FAF1: variants seen among roughly 807,000 people sequenced by gnomAD.
The protein encoded by FAF1 is FAS-associated factor 1.
A neutral mutation model predicts 92.5 loss-of-function variants in FAF1; 25 were observed. The ratio of observed to expected loss-of-function variants is 0.27; its 90% CI spans 0.20 to 0.38. The LOEUF is 0.38. Ranked by LOEUF, FAF1 falls within the 10% of genes least tolerant of loss-of-function variation. The pLI, the probability that FAF1 is intolerant of heterozygous loss-of-function variation, is 1.00. For missense variants in FAF1, 636 were observed against 793.3 expected (o/e 0.80, Z 2.38); for synonymous variants, 234 against 273.2 (o/e 0.86, Z 1.42).
intron 18 of FAF1, among the ~76,000 whole-genome samples, chr1:50,471,399 A>C (rs1485868678): frequency 3.3e-5 from 5 of 152,180 alleles, no homozygotes; most frequent in African/African-American, 1.2e-4. Context: ...ATTTAAACAA[A>C]ACTTTACTGA....
At chr1:50,621,228 TACTC>T (rs1461462546) in intron 8 of FAF1, among the ~76,000 whole-genome samples, 3 of 151,906 alleles carry the variant, frequency 2.0e-5, no homozygotes, top group Admixed American at 6.6e-5. Context: ...ACTGGGAAAA[TACTC>T]AGGTGGAACA....
At chr1:50,504,799 G>A (rs1183152949) in intron 15 of FAF1, among the ~76,000 whole-genome samples, 1 of 152,202 alleles carries the variant, frequency 6.6e-6, no homozygotes, top group Non-Finnish European at 1.5e-5. Flanking sequence ...TGGATGACTA[G>A]GTTATAGTAA....
chr1:50,640,829 A>T (rs1302096475), intron 8 of FAF1, among the ~76,000 whole-genome samples: 48 of 88,498 alleles, frequency 5.4e-4, no homozygotes, highest in Admixed American at 1.2e-3. Context: ...TTATCAGCTG[A>T]TTTTTTTTTT....
chr1:50,805,879 C>G (rs902506677), intron 2 of FAF1, among the ~76,000 whole-genome samples: 3 of 152,018 alleles, frequency 2.0e-5, no homozygotes, highest in African/African-American at 7.2e-5. Context: ...AAATGTGAGG[C>G]ATTTTCAAAG....
At chr1:50,636,322 A>G (rs1654005086) in intron 8 of FAF1, among the ~76,000 whole-genome samples, 1 of 148,752 alleles carries the variant, frequency 6.7e-6, no homozygotes, top group South Asian at 2.1e-4. Flanking sequence ...CAACTACCAT[A>G]CCTGATCTGA....
At chr1:50,902,267 G>A (rs1303505428) in intron 1 of FAF1, among the ~76,000 whole-genome samples, 1 of 152,084 alleles carries the variant, frequency 6.6e-6, no homozygotes, top group African/African-American at 2.4e-5. Flanking sequence ...TAATATGGTA[G>A]CCACTAACCA....
chr1:50,463,110 G>A (rs1646452692), intron 18 of FAF1, among the ~76,000 whole-genome samples: 1 of 152,088 alleles, frequency 6.6e-6, no homozygotes, highest in Non-Finnish European at 1.5e-5. Flanking sequence ...TTTCCTTCTG[G>A]GAGTCTGGCA....
intron 4 of FAF1, among the ~76,000 whole-genome samples, chr1:50,760,237 G>A (rs559978165): frequency 6.6e-6 from 1 of 152,126 alleles, no homozygotes; most frequent in East Asian, 1.9e-4. Context: ...CATTAATAAT[G>A]GGAGACTTTA....
rs1643905484 is a variant in FAF1, at chr1:50,811,201, A to ATTAT, written c.115-9525_115-9524insATAA. Among the ~76,000 whole-genome samples, 3 of 152,158 alleles carry ATTAT rather than the reference A, an allele frequency of 2.0e-5. No individual in the cohort carries two copies. In the South Asian group the frequency reaches 6.2e-4, roughly 32 times the overall value. ...AAATACAGAAATAATTAGCCAGGCA[A>ATTAT]GGGAGTGTGCATCTGTAGTCCCAAC... is the stretch of plus-strand genomic sequence containing the variant. On this transcript the variant is annotated intron_variant, in intron 2 of 18. Transcript: ENST00000396153.
chr1:50,952,571 C>A (rs10158708), intron 1 of FAF1, among the ~76,000 whole-genome samples: 29 of 152,226 alleles, frequency 1.9e-4, no homozygotes, highest in African/African-American at 6.7e-4. Flanking sequence ...GGCCACCCAT[C>A]GTCTGGGATG....
intron 6 of FAF1, among the ~76,000 whole-genome samples, chr1:50,735,697 C>T (rs1659109589): frequency 6.6e-6 from 1 of 152,016 alleles, no homozygotes; most frequent in Non-Finnish European, 1.5e-5. Flanking sequence ...TGTCAGTGAA[C>T]AATTTAATAA....
At chr1:50,947,301 CAA>C (rs1478882367) in intron 1 of FAF1, among the ~76,000 whole-genome samples, 1 of 152,176 alleles carries the variant, frequency 6.6e-6, no homozygotes, top group Non-Finnish European at 1.5e-5. Context: ...GGATGAACTG[CAA>C]AGAGAAAAAC....
intron 12 of FAF1, among the ~76,000 whole-genome samples, chr1:50,577,359 T>C (rs1650798971): frequency 6.6e-6 from 1 of 152,120 alleles, no homozygotes; most frequent in Non-Finnish European, 1.5e-5. Context: ...ACCCCGTCTG[T>C]ACTAAAAACA....
chr1:50,543,977 C>A (rs1387843873), intron 13 of FAF1, among the ~76,000 whole-genome samples: 1 of 152,102 alleles, frequency 6.6e-6, no homozygotes, highest in Non-Finnish European at 1.5e-5. Flanking sequence ...GGGCATCCTC[C>A]CTTTATAACA....
At chr1:50,750,452 CCATA>C (rs1207867305) in intron 4 of FAF1, among the ~76,000 whole-genome samples, 1 of 152,036 alleles carries the variant, frequency 6.6e-6, no homozygotes, top group Non-Finnish European at 1.5e-5. Flanking sequence ...GTTATAACCA[CCATA>C]CAATCAAGAT....
At chr1:50,775,170 T>G (rs1180089590) in intron 4 of FAF1, among the ~76,000 whole-genome samples, 2 of 152,156 alleles carry the variant, frequency 1.3e-5, no homozygotes, top group African/African-American at 4.8e-5. Context: ...CTATTGCTGG[T>G]CACATAAACT....
At chr1:50,556,987 T>C (rs149003515) in intron 13 of FAF1, among the ~76,000 whole-genome samples, 2 of 152,346 alleles carry the variant, frequency 1.3e-5, no homozygotes, top group Admixed American at 6.5e-5. Flanking sequence ...GCTTTCCTAA[T>C]AGCCACATAA....
intron 8 of FAF1, among the ~76,000 whole-genome samples, chr1:50,635,262 G>A (rs1653958675): frequency 6.6e-6 from 1 of 152,148 alleles, no homozygotes; most frequent in Non-Finnish European, 1.5e-5. Flanking sequence ...ATTTTTGCTT[G>A]TTTCTACCTT....
chr1:50,661,144 T>C (rs1289539078), intron 7 of FAF1, among the ~76,000 whole-genome samples: 1 of 152,186 alleles, frequency 6.6e-6, no homozygotes, highest in East Asian at 1.9e-4. Context: ...TTTTTTTGCA[T>C]GAGATTTGGC....
Sources: gnomAD v4.1 joint callset for allele counts (sites outside exome capture counted in the v4.1 genomes callset) on GRCh38, gnomAD v4.1.1 for gene constraint, MANE v1.5 for transcripts, NCBI Gene and HGNC (gene_info 2026-07-23, HGNC 2026-07-21) for gene names.